Variants in TTC28 observed in about 807,000 individuals in gnomAD.
The protein encoded by TTC28 is tetratricopeptide repeat protein 28.
Under a neutral mutation model 198.0 loss-of-function variants are expected in TTC28, and 61 were observed. The observed-to-expected ratio is 0.31, with a 90% CI of 0.25 to 0.38. TTC28 has a LOEUF of 0.38. TTC28 is among the 10% of genes least tolerant of loss of function. TTC28 has a pLI of 1.00. For missense variants in TTC28, 2,678 were observed against 3,164.0 expected, an observed-to-expected ratio of 0.85 and a Z score of 3.69; for synonymous variants, 1,171 against 1,297.8, an observed-to-expected ratio of 0.90 and a Z score of 2.10.
intron 2 of TTC28, among the ~76,000 whole-genome samples, chr22:28,603,381 TTTTTTGTTTTTTG>T (rs1569053248): frequency 6.6e-6 from 1 of 151,832 alleles, no homozygotes; most frequent in Non-Finnish European, 1.5e-5. Context: ...CTTTCTTTTT[TTTTTTGTTTTTTG>T]TTTTGTTTTT....
intron 2 of TTC28, among the ~76,000 whole-genome samples, chr22:28,611,231 C>G (rs567908615): frequency 6.6e-6 from 1 of 152,258 alleles, no homozygotes; most frequent in East Asian, 1.9e-4. Context: ...TAAGACACTG[C>G]TCGAGAAGAG....
intron 2 of TTC28, among the ~76,000 whole-genome samples, chr22:28,504,792 T>TA (rs759974139): frequency 4.8e-4 from 73 of 151,568 alleles, no homozygotes; most frequent in Non-Finnish European, 8.3e-4. Flanking sequence ...GTAATTTGCT[T>TA]AAAAAAAAAT....
rs1937023719 is a variant in TTC28, at chr22:27,981,531, T to C, written c.*690A>G. The C allele has an allele frequency of 1.3e-5, 2 of 152,090 alleles. No individual in the cohort carries two copies. The highest frequency in any genetic ancestry group is 1.3e-4 in the Admixed American group (2 of 15,268). 9.4% of individuals were successfully genotyped at this position (152,090 alleles called of 1,614,324 possible). On this transcript the variant is annotated 3_prime_UTR_variant, in exon 23 of 23. Coordinates refer to ENST00000397906, the MANE Select transcript of TTC28 (RefSeq NM_001145418.2). ...TGGATAAGAGTTACATAATTTTTTT[T>C]TTAAGAAAATTCAAGTTTGGTTGAC... is the stretch of plus-strand genomic sequence containing the variant.
In TTC28 at chr22:28,163,487, T is replaced by C. The variant is rs1262531596; in HGVS notation, c.1046A>G (p.Asp349Gly). 6.4e-7 allele frequency: 1 copy of C among 1,551,730 alleles called. No individual in the cohort carries two copies. Among genetic ancestry groups the C allele is most frequent in the African/African-American group, 1.4e-5 (1 of 73,144 alleles). The change falls in exon 6 of 23, where the codon GAT (aspartate) becomes GGT (glycine). Residue 349 changes from aspartate to glycine, a missense_variant. Around this residue, in one of 8 missense-constraint regions of TTC28, gnomAD observed 775 missense variants for 845.9 expected, o/e 0.92. Coordinates refer to ENST00000397906, the MANE Select transcript of TTC28 (RefSeq NM_001145418.2). ...AAGTTCTCGGGCTTCAGAAAGTTCA[T>C]CTTTGGATTGCTTGGCAAGAAGAAC... ...QCVLLAKQSK[D>G]ELSEARELGN...
At chr22:28,324,712 A>G (rs1031975710) in intron 2 of TTC28, among the ~76,000 whole-genome samples, 1 of 152,204 alleles carries the variant, frequency 6.6e-6, no homozygotes, top group Non-Finnish European at 1.5e-5. Flanking sequence ...AAAACTGTCA[A>G]TAAACTAGGT....
At chr22:28,414,427 C>G (rs2047137029) in intron 2 of TTC28, among the ~76,000 whole-genome samples, 1 of 152,160 alleles carries the variant, frequency 6.6e-6, no homozygotes, top group Non-Finnish European at 1.5e-5. Flanking sequence ...CAGTTCTTGT[C>G]AGACCGAGAT....
intron 14 of TTC28, chr22:28,007,618 CCTCT>C (rs1031216677): frequency 3.9e-5 from 6 of 152,104 alleles, no homozygotes; most frequent in African/African-American, 1.2e-4. Context: ...CGGAGGGGAG[CCTCT>C]CTCTCTATCT....
chr22:28,636,285 C>G (rs1482171353), intron 1 of TTC28, among the ~76,000 whole-genome samples: 1 of 151,754 alleles, frequency 6.6e-6, no homozygotes, highest in African/African-American at 2.4e-5. Context: ...ACCACCATGT[C>G]CGGCTAATTT....
intron 12 of TTC28, among the ~76,000 whole-genome samples, chr22:28,032,939 C>G (rs1033109430): frequency 2.0e-5 from 3 of 152,204 alleles, no homozygotes; most frequent in Non-Finnish European, 4.4e-5. Context: ...AACAGGCAGG[C>G]AGGTGAAGGC....
intron 2 of TTC28, among the ~76,000 whole-genome samples, chr22:28,584,512 T>C (rs1273723820): frequency 6.6e-6 from 1 of 152,196 alleles, no homozygotes; most frequent in African/African-American, 2.4e-5. Context: ...AATGGGAAGA[T>C]TCTATATCTA....
At chr22:28,350,471 G>T (rs1339867191) in intron 2 of TTC28, among the ~76,000 whole-genome samples, 1 of 152,130 alleles carries the variant, frequency 6.6e-6, no homozygotes, top group Admixed American at 6.5e-5. Context: ...TCAATCACAG[G>T]AATGAAAAGT....
chr22:28,513,283 G>A (rs950965189), intron 2 of TTC28, among the ~76,000 whole-genome samples: 27 of 152,140 alleles, frequency 1.8e-4, no homozygotes, highest in African/African-American at 6.3e-4. Flanking sequence ...AGAATGAAAA[G>A]AGCCAACGTA....
chr22:27,995,637 G>A (rs1171581671), intron 17 of TTC28, among the ~76,000 whole-genome samples: 1 of 152,086 alleles, frequency 6.6e-6, no homozygotes, highest in Non-Finnish European at 1.5e-5. Context: ...AGGACTCTGC[G>A]CCAAGTACTC....
chr22:28,652,383 C>T (rs896796465), intron 1 of TTC28, among the ~76,000 whole-genome samples: 2 of 152,186 alleles, frequency 1.3e-5, no homozygotes, highest in African/African-American at 4.8e-5. Context: ...TTAATCAATT[C>T]TGCAATCTAA....
chr22:28,073,852 AG>A (rs1305405683), intron 12 of TTC28, among the ~76,000 whole-genome samples: 1 of 152,230 alleles, frequency 6.6e-6, no homozygotes, highest in African/African-American at 2.4e-5. Context: ...CTTAACGGGC[AG>A]TATAAAAAAC....
chr22:28,043,241 T>TAAAAAAAA (rs1939728695), intron 12 of TTC28, among the ~76,000 whole-genome samples: 1 of 19,484 alleles, frequency 5.1e-5, no homozygotes, highest in African/African-American at 2.5e-4. Context: ...AGACTCCATC[T>TAAAAAAAA]CAAAAAAAAA....
rs183608608 is a variant in TTC28 at position 28,558,240 on chromosome 22, T to C, written c.381+71312A>G. ...TTCCAGAGGAACTATCATGGACTAA[T>C]TTAACATTTATCATAAGTAATTTGT... is the stretch of plus-strand genomic sequence containing the variant. On this transcript the variant is annotated intron_variant, in intron 2 of 22. Coordinates refer to ENST00000397906, the MANE Select transcript of TTC28 (RefSeq NM_001145418.2). Among the ~76,000 whole-genome samples the C allele has an allele frequency of 2.6e-5, 4 of 152,354 alleles. No homozygotes were observed. The East Asian group carries it at 7.7e-4, about 29-fold the overall frequency.
At chr22:28,441,789 A>C (rs1390842469) in intron 2 of TTC28, among the ~76,000 whole-genome samples, 1 of 151,906 alleles carries the variant, frequency 6.6e-6, no homozygotes, top group African/African-American at 2.4e-5. Flanking sequence ...TAACAGAGAC[A>C]GGTCAAGGCT....
chr22:28,088,212 T>C (rs932694105), intron 12 of TTC28, among the ~76,000 whole-genome samples: 7 of 152,134 alleles, frequency 4.6e-5, no homozygotes, highest in Non-Finnish European at 1.0e-4. Flanking sequence ...CAAGTCAATC[T>C]TAAGCCAAAA....
Sources: gnomAD v4.1 joint callset for allele counts (sites outside exome capture counted in the v4.1 genomes callset) on GRCh38, gnomAD v4.1.1 for gene constraint, gnomAD v4.1.1 regional missense constraint, MANE v1.5 for transcripts, NCBI Gene and HGNC (gene_info 2026-07-23, HGNC 2026-07-21) for gene names.